The following QTGAL variants were observed in gnomAD, a reference collection of about 807,000 sequenced individuals.
QTGAL encodes queuosine-tRNA galactosyltransferase.
the QTGAL span, among the ~76,000 whole-genome samples, chr17:82,952,378 A>T: frequency 2.6e-5 from 4 of 152,200 alleles, no homozygotes; most frequent in Non-Finnish European, 5.9e-5. Flanking sequence ...ATTTACCAAG[A>T]AAATGCAAAG....
chr17:82,987,753 G>C, the QTGAL span, among the ~76,000 whole-genome samples: 1 of 152,172 alleles, frequency 6.6e-6, no homozygotes, highest in Non-Finnish European at 1.5e-5. Context: ...TGGTTATACA[G>C]GCTCTTTTTC....
At chr17:82,956,861 C>CCTGTGTGAGCCA in the QTGAL span, 5 of 1,404,486 alleles carry the variant, frequency 3.6e-6, no homozygotes, top group South Asian at 1.2e-5. This position sits in a 1 kb window ranked among gnomAD's most constrained non-coding sequence, Gnocchi z 5.7. Flanking sequence ...CAAGTTGGCT[C>CCTGTGTGAGCCA]ACACAGGAGC....
chr17:83,006,508 G>A, the QTGAL span: 9 of 985,218 alleles, frequency 9.1e-6, no homozygotes, highest in African/African-American at 3.5e-5. This position sits in a 1 kb window ranked among gnomAD's most constrained non-coding sequence, Gnocchi z 5.8. Flanking sequence ...GGTCAACGCC[G>A]CACCAGGAGA....
the QTGAL span, among the ~76,000 whole-genome samples, chr17:83,026,786 G>T: frequency 2.6e-5 from 3 of 114,996 alleles, no homozygotes; most frequent in African/African-American, 1.0e-4. Flanking sequence ...GGAGCCTGCA[G>T]ACAAACCCAC....
At chr17:82,972,989 C>T in the QTGAL span, among the ~76,000 whole-genome samples, 4 of 152,234 alleles carry the variant, frequency 2.6e-5, no homozygotes, top group South Asian at 2.1e-4. Context: ...AGTTCTGGAA[C>T]GCTTCCCCGA....
chr17:82,943,466 C>G, the QTGAL span: 1 of 151,588 alleles, frequency 6.6e-6, no homozygotes, highest in South Asian at 2.1e-4. Flanking sequence ...CAACCCTTTC[C>G]CTATGTGAGG....
the QTGAL span, among the ~76,000 whole-genome samples, chr17:83,027,788 AAT>A: frequency 1.3e-5 from 2 of 151,964 alleles, no homozygotes; most frequent in African/African-American, 4.8e-5. Context: ...TTGTATCTAG[AAT>A]ATGTCACAAA....
chr17:82,974,926 A>G, the QTGAL span, among the ~76,000 whole-genome samples: 37,282 of 115,192 alleles, frequency 0.32, 5,657 homozygotes, highest in African/African-American at 0.5. Flanking sequence ...CCAGGGCCCC[A>G]GGACAGAGCC....
chr17:83,000,928 G>C, the QTGAL span, among the ~76,000 whole-genome samples: 4 of 152,312 alleles, frequency 2.6e-5, no homozygotes, highest in East Asian at 7.7e-4. Flanking sequence ...TGTGCAGGCA[G>C]AAAGTGGGTC....
the QTGAL span, among the ~76,000 whole-genome samples, chr17:82,956,989 CT>C: frequency 1.3e-5 from 2 of 152,202 alleles, no homozygotes; most frequent in African/African-American, 4.8e-5. This position sits in a 1 kb window ranked among gnomAD's most constrained non-coding sequence, Gnocchi z 5.7. Flanking sequence ...CCAGGGTGGG[CT>C]ACCCCAAGGC....
the QTGAL span, chr17:82,957,316 C>T: frequency 8.4e-4 from 1,354 of 1,613,894 alleles, 14 homozygotes; most frequent in African/African-American, 0.015. Context: ...TGGGACAGTA[C>T]GGGGGCAGGG....
At chr17:82,987,749 T>TA in the QTGAL span, among the ~76,000 whole-genome samples, 2 of 152,350 alleles carry the variant, frequency 1.3e-5, no homozygotes, top group East Asian at 1.9e-4. Context: ...GTCTTGGTTA[T>TA]ACAGGCTCTT....
chr17:82,974,048 C>T, the QTGAL span, among the ~76,000 whole-genome samples: 2 of 152,212 alleles, frequency 1.3e-5, no homozygotes, highest in African/African-American at 2.4e-5. Context: ...GCACTCCACG[C>T]TCCATGGGCG....
At chr17:82,997,558 C>T in the QTGAL span, among the ~76,000 whole-genome samples, 1 of 152,160 alleles carries the variant, frequency 6.6e-6, no homozygotes, top group Non-Finnish European at 1.5e-5. Flanking sequence ...GAAAGGAAAT[C>T]AGTATATCAA....
the QTGAL span, among the ~76,000 whole-genome samples, chr17:83,025,753 A>G: frequency 6.6e-6 from 1 of 152,250 alleles, no homozygotes; most frequent in South Asian, 2.1e-4. Flanking sequence ...GAGACACAGT[A>G]ACTAAATGCA....
chr17:83,028,272 C>T, the QTGAL span, among the ~76,000 whole-genome samples: 1 of 151,960 alleles, frequency 6.6e-6, no homozygotes, highest in African/African-American at 2.4e-5. Context: ...CACCTGTAAT[C>T]CCAGCACTTT....
the QTGAL span, among the ~76,000 whole-genome samples, chr17:83,027,699 C>CAAAAAAAAAAAAA: frequency 3.2e-5 from 1 of 31,522 alleles, no homozygotes; most frequent in African/African-American, 9.8e-5. Context: ...GAGACGCTCT[C>CAAAAAAAAAAAAA]AAAAAAAAAA....
At chr17:83,015,798 G>T in the QTGAL span, among the ~76,000 whole-genome samples, 9 of 152,184 alleles carry the variant, frequency 5.9e-5, no homozygotes, top group African/African-American at 2.2e-4. This position sits in a 1 kb window ranked among gnomAD's most constrained non-coding sequence, Gnocchi z 4.4. Flanking sequence ...CCAGGTCACA[G>T]ACTCCTTATG....
At chr17:83,015,030 C>T in the QTGAL span, among the ~76,000 whole-genome samples, 1 of 150,962 alleles carries the variant, frequency 6.6e-6, no homozygotes, top group Non-Finnish European at 1.5e-5. This position sits in a 1 kb window ranked among gnomAD's most constrained non-coding sequence, Gnocchi z 4.4. Context: ...GACCTGCCAC[C>T]ACTGTTGAGG....
Sources: allele counts gnomAD v4.1 joint callset (sites outside exome capture counted in the v4.1 genomes callset), GRCh38; gene constraint gnomAD v4.1.1; non-coding constraint Gnocchi (gnomAD v3.1); transcripts MANE v1.5; gene names NCBI Gene and HGNC (gene_info 2026-07-23, HGNC 2026-07-21).